Variants in EVI5 observed in about 807,000 individuals in gnomAD.
The protein encoded by EVI5 is ecotropic viral integration site 5, also known as ecotropic viral integration site 5 protein homolog.
EVI5 carries 73 observed loss-of-function variants against 112.0 expected under a neutral mutation model. That is an observed-to-expected ratio of 0.65 (90% CI 0.54 to 0.79). The LOEUF is 0.79. Ranked by LOEUF, EVI5 falls within the 30% of genes least tolerant of loss-of-function variation. The pLI is 0.00. For missense variants in EVI5, 900 were observed against 968.8 expected (o/e 0.93, Z 0.94); for synonymous variants, 305 against 319.9 (o/e 0.95, Z 0.50).
At chr1:92,779,842 T>C (rs935169478) in intron 1 of EVI5, among the ~76,000 whole-genome samples, 1 of 152,142 alleles carries the variant, frequency 6.6e-6, no homozygotes, top group Non-Finnish European at 1.5e-5. Flanking sequence ...TTCCCAGGTA[T>C]AGGGTCAGTG....
upstream of EVI5, chr1:92,785,223 G>T: frequency 2.4e-6 from 1 of 420,294 alleles, no homozygotes; most frequent in Non-Finnish European, 3.2e-6. Flanking sequence ...CGAAGGGATT[G>T]GACGGAGTGC....
intron 18 of EVI5, among the ~76,000 whole-genome samples, chr1:92,594,986 C>T (rs1009705148): frequency 6.6e-6 from 1 of 152,160 alleles, no homozygotes; most frequent in African/African-American, 2.4e-5. Context: ...ACTAGTTCAA[C>T]CATTGTAGAA....
At chr1:92,619,718 C>T (rs534826390) in intron 16 of EVI5, among the ~76,000 whole-genome samples, 3 of 149,904 alleles carry the variant, frequency 2.0e-5, no homozygotes, top group East Asian at 4.0e-4. Flanking sequence ...CTCAGGAGTT[C>T]GAGACCTGGG....
At chr1:92,726,660 A>G (rs574644027) in intron 2 of EVI5, among the ~76,000 whole-genome samples, 4 of 152,332 alleles carry the variant, frequency 2.6e-5, no homozygotes, top group South Asian at 4.1e-4. Flanking sequence ...GTAAACACAT[A>G]AAAGTTTTTT....
chr1:92,538,985 G>A (rs1442970039), intron 19 of EVI5, among the ~76,000 whole-genome samples: 7 of 152,188 alleles, frequency 4.6e-5, no homozygotes, highest in Admixed American at 2.6e-4. Context: ...TATCACGAAG[G>A]TTATGGGTGA....
intron 1 of EVI5, among the ~76,000 whole-genome samples, chr1:92,744,300 A>G (rs916434168): frequency 1.3e-5 from 2 of 152,184 alleles, no homozygotes; most frequent in Non-Finnish European, 1.5e-5. Flanking sequence ...TGGATGAAGC[A>G]GTCTATATAT....
At chr1:92,625,234 C>G (rs1036280014) in intron 15 of EVI5, among the ~76,000 whole-genome samples, 1 of 151,998 alleles carries the variant, frequency 6.6e-6, no homozygotes, top group Non-Finnish European at 1.5e-5. Flanking sequence ...TTATTGCAAT[C>G]TGATACTTTG....
At chr1:92,734,315 T>A (rs1360196076) in intron 2 of EVI5, among the ~76,000 whole-genome samples, 1 of 152,226 alleles carries the variant, frequency 6.6e-6, no homozygotes, top group Non-Finnish European at 1.5e-5. Context: ...AAAGATGGGA[T>A]AGCTCAACTT....
intron 18 of EVI5, among the ~76,000 whole-genome samples, chr1:92,572,273 T>C (rs1357371195): frequency 6.6e-6 from 1 of 152,026 alleles, no homozygotes. Flanking sequence ...ATAAGATCCC[T>C]ACAATGGAAG....
intron 1 of EVI5, among the ~76,000 whole-genome samples, chr1:92,739,444 G>A (rs901974955): frequency 6.6e-6 from 1 of 152,068 alleles, no homozygotes; most frequent in African/African-American, 2.4e-5. Context: ...CTGGGAAAAG[G>A]GATGGAAAAT....
chr1:92,689,826 T>C (rs1669190062), intron 9 of EVI5, among the ~76,000 whole-genome samples: 1 of 152,242 alleles, frequency 6.6e-6, no homozygotes, highest in Admixed American at 6.5e-5. Context: ...TAGACTAATT[T>C]AAAAGAACAC....
chr1:92,615,085 G>A (rs1394915146), intron 16 of EVI5, among the ~76,000 whole-genome samples: 2 of 151,908 alleles, frequency 1.3e-5, no homozygotes, highest in Non-Finnish European at 2.9e-5. Context: ...TAACAGTATG[G>A]AGCACACTGA....
At chr1:92,768,017 T>C (rs1487789523) in intron 1 of EVI5, among the ~76,000 whole-genome samples, 1 of 150,162 alleles carries the variant, frequency 6.7e-6, no homozygotes, top group Non-Finnish European at 1.5e-5. Flanking sequence ...GAGGCGGAGG[T>C]TGCAGTGAGC....
chr1:92,622,816 T>G (rs1016985277), intron 16 of EVI5, among the ~76,000 whole-genome samples: 1 of 152,220 alleles, frequency 6.6e-6, no homozygotes, highest in Non-Finnish European at 1.5e-5. Context: ...ACAAATTCCT[T>G]AGGAAATCTT....
chr1:92,665,896 C>A, intron 11 of EVI5, 43 bp downstream of exon 11: 1 of 1,350,648 alleles, frequency 7.4e-7, no homozygotes, highest in Non-Finnish European at 1.0e-6. Context: ...AGAAAAAACA[C>A]CAGGCATTCA....
chr1:92,697,094 C>T (rs774813793), intron 6 of EVI5, among the ~76,000 whole-genome samples: 1 of 151,770 alleles, frequency 6.6e-6, no homozygotes, highest in Non-Finnish European at 1.5e-5. Flanking sequence ...TTTACATATC[C>T]CCTTGCTCCC....
chr1:92,537,798 TA>T (rs905894950), intron 19 of EVI5, among the ~76,000 whole-genome samples: 1 of 150,320 alleles, frequency 6.7e-6, no homozygotes, highest in African/African-American at 2.5e-5. Context: ...AAAAAAAAAC[TA>T]AAAAAAATTC....
At chr1:92,517,529 T>C (rs1210636583) in intron 19 of EVI5, among the ~76,000 whole-genome samples, 1 of 152,178 alleles carries the variant, frequency 6.6e-6, no homozygotes, top group Non-Finnish European at 1.5e-5. Flanking sequence ...AACTCTTAAT[T>C]ATTTAGGACA....
chr1:92,732,677 G>A (rs892675458), intron 2 of EVI5: 21 of 154,156 alleles, frequency 1.4e-4, no homozygotes, highest in Admixed American at 1.0e-3. Flanking sequence ...GAGGAGGGCG[G>A]ATCACAAGGT....
Sources: gnomAD v4.1 joint callset for allele counts (sites outside exome capture counted in the v4.1 genomes callset) on GRCh38, gnomAD v4.1.1 for gene constraint, MANE v1.5 for transcripts, NCBI Gene and HGNC (gene_info 2026-07-23, HGNC 2026-07-21) for gene names.